SLC25A21: variants seen among roughly 807,000 people sequenced by gnomAD.
SLC25A21 encodes solute carrier family 25 member 21, also known as mitochondrial 2-oxodicarboxylate carrier.
A neutral mutation model predicts 43.8 loss-of-function variants in SLC25A21; 47 were observed. The observed-to-expected ratio is 1.07, with a 90% confidence interval of 0.85 to 1.37. The LOEUF (loss-of-function observed/expected upper bound fraction) is 1.37, where lower values mean the gene tolerates loss of function less well. Among genes scored for constraint, SLC25A21 ranks in the 40% most tolerant of loss-of-function variants. The pLI is 0.00. For missense variants in SLC25A21, 352 were observed against 350.2 expected, an observed-to-expected ratio of 1.00 and a Z score of -0.04; for synonymous variants, 131 against 121.3, an observed-to-expected ratio of 1.08 and a Z score of -0.52.
chr14:36,757,435 C>T (rs1434847354), intron 3 of SLC25A21, among the ~76,000 whole-genome samples: 1 of 152,102 alleles, frequency 6.6e-6, no homozygotes, highest in African/African-American at 2.4e-5. Flanking sequence ...TTGTGAACCA[C>T]ACTTTGACCA....
chr14:36,809,309 T>A (rs1231748446), intron 3 of SLC25A21, among the ~76,000 whole-genome samples: 1 of 152,186 alleles, frequency 6.6e-6, no homozygotes, highest in African/African-American at 2.4e-5. Flanking sequence ...TCATTTTCTA[T>A]GAGTTCTCTC....
chr14:37,022,080 T>C (rs1255475174), intron 1 of SLC25A21, among the ~76,000 whole-genome samples: 2 of 151,878 alleles, frequency 1.3e-5, no homozygotes, highest in East Asian at 1.9e-4. Flanking sequence ...CGAGGATTCA[T>C]ATGCCTTTAT....
intron 1 of SLC25A21, among the ~76,000 whole-genome samples, chr14:36,975,423 G>GA (rs1183038809): frequency 6.6e-6 from 1 of 152,044 alleles, no homozygotes; most frequent in Non-Finnish European, 1.5e-5. Context: ...ATAAACCAAG[G>GA]AAAAATGTAA....
In SLC25A21 at chr14:37,017,094, C is replaced by G. The variant is rs867093957; in HGVS notation, c.71-142090G>C. On this transcript the variant is annotated intron_variant, in intron 1 of 9. Coordinates refer to ENST00000331299, the MANE Select transcript of SLC25A21 (RefSeq NM_030631.4). Reference sequence around the variant, plus strand: ...TGGAATAGTACTTTTCATTTACTCACTTCAATAACTTTTCCTTTGCACTCA... The same window carrying G: ...TGGAATAGTACTTTTCATTTACTCAGTTCAATAACTTTTCCTTTGCACTCA... Among the ~76,000 whole-genome samples, 6 of 152,168 alleles carry G rather than the reference C, an allele frequency of 3.9e-5. No homozygotes were observed. The Middle Eastern group carries it at 0.01, about 259-fold the overall frequency.
chr14:36,756,436 T>C (rs148795674), intron 3 of SLC25A21, among the ~76,000 whole-genome samples: 371 of 152,358 alleles, frequency 2.4e-3, no homozygotes, highest in Middle Eastern at 0.01. Flanking sequence ...CCCAGAGGTT[T>C]TGGATCTGTA....
At chr14:36,884,859 T>C (rs1890868462) in intron 1 of SLC25A21, among the ~76,000 whole-genome samples, 2 of 152,198 alleles carry the variant, frequency 1.3e-5, no homozygotes, top group African/African-American at 4.8e-5. Context: ...TCCTTATATA[T>C]TTTGAATATT....
intron 1 of SLC25A21, among the ~76,000 whole-genome samples, chr14:37,005,703 A>G (rs1276575845): frequency 6.6e-6 from 1 of 151,766 alleles, no homozygotes; most frequent in Non-Finnish European, 1.5e-5. Context: ...CACACACACG[A>G]TGTGATTCAA....
rs1882016697 is a variant in SLC25A21, at chr14:36,678,495, AATAGACT to A, written c.*2156_*2162del. 2 of 1,537,014 alleles carry A rather than the reference AATAGACT, an allele frequency of 1.3e-6. No homozygotes were observed. The highest frequency in any genetic ancestry group is 2.4e-5 in the South Asian group (2 of 84,050). On this transcript the variant is annotated 3_prime_UTR_variant, in exon 10 of 10. Transcript: ENST00000331299. ...TCTGGAGTTCCCAGTCTGGTGAGAA[AATAGACT>A]ATAAACTGAATGGAACAAAGATCCA...
At chr14:36,760,331 A>AGAAGGACGGAAG (rs1555326326) in intron 3 of SLC25A21, among the ~76,000 whole-genome samples, 3 of 136,654 alleles carry the variant, frequency 2.2e-5, no homozygotes, top group African/African-American at 8.4e-5. Context: ...GCAGCTAGGC[A>AGAAGGACGGAAG]GAAGGAAGGA....
At chr14:37,106,542 C>A (rs890176641) in intron 1 of SLC25A21, among the ~76,000 whole-genome samples, 13 of 152,030 alleles carry the variant, frequency 8.6e-5, no homozygotes, top group South Asian at 2.1e-4. Context: ...AAAAAACAAC[C>A]CTGTTTTCTG....
chr14:36,965,709 T>C (rs1412915129), intron 1 of SLC25A21, among the ~76,000 whole-genome samples: 2 of 152,194 alleles, frequency 1.3e-5, no homozygotes, highest in African/African-American at 4.8e-5. Flanking sequence ...TCCAGGTTTA[T>C]TCTCCACTCT....
intron 1 of SLC25A21, among the ~76,000 whole-genome samples, chr14:36,893,030 G>A (rs565093340): frequency 1.3e-3 from 196 of 152,236 alleles, no homozygotes; most frequent in Middle Eastern, 3.4e-3. Context: ...TGTCTTTAGC[G>A]CAGCATGATT....
chr14:37,061,601 G>T (rs980910540), intron 1 of SLC25A21, among the ~76,000 whole-genome samples: 1 of 151,738 alleles, frequency 6.6e-6, no homozygotes, highest in African/African-American at 2.4e-5. Flanking sequence ...AAAATAATAG[G>T]GAAAGAGAAA....
chr14:36,886,703 T>C (rs1457836482), intron 1 of SLC25A21, among the ~76,000 whole-genome samples: 4 of 152,328 alleles, frequency 2.6e-5, no homozygotes, highest in Admixed American at 6.5e-5. Context: ...AATGCAAAGA[T>C]AGGCTGAAAA....
In SLC25A21 at chr14:37,089,423, A is replaced by G. The variant is rs144880600; in HGVS notation, c.70+82858T>C. 3.6e-3 allele frequency among the ~76,000 whole-genome samples: 554 copies of G among 152,326 alleles called. 3 individuals are homozygous for G. The highest frequency in any genetic ancestry group is 0.012 in the African/African-American group (484 of 41,562). ...CCGTGTAACCCAGCAAATATGAAAA[A>G]TACATATAGGAGAACTCTTGAGAAA... On this transcript the variant is annotated intron_variant, in intron 1 of 9. Transcript: ENST00000331299.
chr14:37,159,959 A>C (rs1395875313), intron 1 of SLC25A21, among the ~76,000 whole-genome samples: 1 of 152,216 alleles, frequency 6.6e-6, no homozygotes, highest in Non-Finnish European at 1.5e-5. Flanking sequence ...TACATATATG[A>C]AAAAATGGTC....
chr14:37,063,977 A>G (rs938985240), intron 1 of SLC25A21, among the ~76,000 whole-genome samples: 2 of 152,196 alleles, frequency 1.3e-5, no homozygotes, highest in African/African-American at 4.8e-5. Context: ...GGCTTAAGGA[A>G]TATCTAGATA....
chr14:37,025,493 A>G (rs996141795), intron 1 of SLC25A21, among the ~76,000 whole-genome samples: 3 of 152,190 alleles, frequency 2.0e-5, no homozygotes, highest in African/African-American at 7.2e-5. Context: ...CGTGATTATC[A>G]TAATTGCAAA....
chr14:37,126,739 GGT>G (rs1963304591), intron 1 of SLC25A21, among the ~76,000 whole-genome samples: 1 of 152,134 alleles, frequency 6.6e-6, no homozygotes, highest in Non-Finnish European at 1.5e-5. Flanking sequence ...GTAGCTGCTA[GGT>G]ACAGGGCACA....
Sources: allele counts gnomAD v4.1 joint callset (sites outside exome capture counted in the v4.1 genomes callset), GRCh38; gene constraint gnomAD v4.1.1; transcripts MANE v1.5; gene names NCBI Gene and HGNC (gene_info 2026-07-23, HGNC 2026-07-21).